Variants in APBA1 observed in about 807,000 individuals in gnomAD.
APBA1 encodes amyloid-beta A4 precursor protein-binding family A member 1.
APBA1 carries 55 observed loss-of-function variants against 86.6 expected under a neutral mutation model. The observed-to-expected ratio is 0.64, with a 90% CI of 0.51 to 0.80. APBA1 has a LOEUF of 0.80. Among genes scored for constraint, APBA1 ranks in the 30% least tolerant of loss-of-function variants. The pLI is 0.00. For missense variants in APBA1, 1,090 were observed against 1,183.0 expected, an observed-to-expected ratio of 0.92 and a Z score of 1.15; for synonymous variants, 511 against 493.9, an observed-to-expected ratio of 1.03 and a Z score of -0.46.
At chr9:69,598,380 A>T (rs1306000511) in intron 1 of APBA1, among the ~76,000 whole-genome samples, 1 of 152,120 alleles carries the variant, frequency 6.6e-6, no homozygotes, top group Non-Finnish European at 1.5e-5. Context: ...ACATGTATAC[A>T]TATGTAACTA....
intron 1 of APBA1, among the ~76,000 whole-genome samples, chr9:69,526,271 CAG>C (rs1456773320): frequency 2.6e-5 from 4 of 152,168 alleles, no homozygotes; most frequent in African/African-American, 9.6e-5. Flanking sequence ...AAACTAACAA[CAG>C]AGTAAACAGA....
chr9:69,535,744 C>T lies in APBA1; in HGVS notation c.-69-18465G>A, dbSNP rs114449237. ...TTTCCTCATCTTATTTTTCCCCAGG[C>T]CCCCTCTATTGAATTTTTGGCAAGC... is the stretch of plus-strand genomic sequence containing the variant. On this transcript the variant is annotated intron_variant, in intron 1 of 12. Coordinates refer to ENST00000265381, the MANE Select transcript of APBA1 (RefSeq NM_001163.4). Among the ~76,000 whole-genome samples, 614 of 152,124 alleles carry T rather than the reference C, an allele frequency of 4.0e-3. 3 individuals are homozygous for T. The highest frequency in any genetic ancestry group is 0.014 in the African/African-American group (582 of 41,514).
intron 10 of APBA1, among the ~76,000 whole-genome samples, chr9:69,442,584 A>C (rs888386933): frequency 6.6e-6 from 1 of 152,234 alleles, no homozygotes; most frequent in Non-Finnish European, 1.5e-5. Flanking sequence ...AGTATCGCTC[A>C]GAGACAGCAC....
intron 1 of APBA1, among the ~76,000 whole-genome samples, chr9:69,542,092 A>T (rs11139236): frequency 2.6e-5 from 4 of 152,078 alleles, no homozygotes; most frequent in African/African-American, 9.6e-5. Context: ...TAATTTCTAA[A>T]AATTAATGAC....
intron 1 of APBA1, among the ~76,000 whole-genome samples, chr9:69,597,585 C>T (rs1366619877): frequency 2.6e-5 from 4 of 152,138 alleles, no homozygotes; most frequent in Admixed American, 6.5e-5. Context: ...GAAGTCCTTG[C>T]CCATGCCTAT....
At chr9:69,602,779 CT>C (rs1822379657) in intron 1 of APBA1, among the ~76,000 whole-genome samples, 1 of 152,172 alleles carries the variant, frequency 6.6e-6, no homozygotes, top group South Asian at 2.1e-4. Flanking sequence ...GGCTATGAGT[CT>C]CCCCAGTGGA....
intron 1 of APBA1, among the ~76,000 whole-genome samples, chr9:69,657,003 G>A (rs1343188433): frequency 2.6e-5 from 4 of 151,956 alleles, no homozygotes; most frequent in Admixed American, 2.0e-4. Flanking sequence ...CCGCCACCGC[G>A]CCCGGCTAAT....
chr9:69,649,793 T>C (rs1438515342), intron 1 of APBA1, among the ~76,000 whole-genome samples: 1 of 152,148 alleles, frequency 6.6e-6, no homozygotes, highest in Non-Finnish European at 1.5e-5. Context: ...TCTGGAGGAA[T>C]AACTCATCTC....
chr9:69,470,523 A>G (rs1835350387), intron 4 of APBA1, among the ~76,000 whole-genome samples: 1 of 152,198 alleles, frequency 6.6e-6, no homozygotes. Context: ...CCTCACAAAA[A>G]TGATGCAAAT....
chr9:69,431,319 G>A lies in APBA1; in HGVS notation c.*8C>T. 6.3e-7 allele frequency: 1 copy of A among 1,594,876 alleles called. No individual in the cohort carries two copies. The highest frequency in any genetic ancestry group is 8.5e-7 in the Non-Finnish European group (1 of 1,171,622). Reference sequence around the variant, plus strand: ...GTCCTCCATGCATGCCACCGCGTGTGGCCGCGGTCAGATGTAAACAGGCTG... The same window carrying A: ...GTCCTCCATGCATGCCACCGCGTGTAGCCGCGGTCAGATGTAAACAGGCTG... On this transcript the variant is annotated 3_prime_UTR_variant, in exon 13 of 13. Coordinates refer to ENST00000265381, the MANE Select transcript of APBA1 (RefSeq NM_001163.4).
At chr9:69,489,172 A>G (rs1246890229) in intron 2 of APBA1, among the ~76,000 whole-genome samples, 1 of 152,146 alleles carries the variant, frequency 6.6e-6, no homozygotes, top group East Asian at 1.9e-4. Flanking sequence ...CATTGCCAAG[A>G]TAATCCTAAG....
chr9:69,431,163 C>CA lies in APBA1; in HGVS notation c.*163dup. 2 of 394,000 alleles carry CA rather than the reference C, an allele frequency of 5.1e-6. No individual in the cohort carries two copies. Among genetic ancestry groups the CA allele is most frequent in the South Asian group, 7.1e-5 (1 of 14,130 alleles). 24.4% of individuals were successfully genotyped at this position (394,000 alleles called of 1,614,324 possible). A position where few individuals can be genotyped will look rare whatever the true frequency, so the allele number is the denominator to read the frequency against. The stretch of plus-strand genomic sequence containing the variant: ...ATTGAAAAAAAAAAAAAAAAAAAAG[C>CA]AAATCGGAGAGAGTAAAGAGGTCCT... On this transcript the variant is annotated 3_prime_UTR_variant, in exon 13 of 13. Transcript: ENST00000265381.
At chr9:69,501,771 T>C (rs1835884109) in intron 2 of APBA1, among the ~76,000 whole-genome samples, 1 of 151,886 alleles carries the variant, frequency 6.6e-6, no homozygotes, top group African/African-American at 2.4e-5. Context: ...GAGGCTGCAG[T>C]GAGCTAGGAT....
chr9:69,475,457 G>C (rs188561018), intron 3 of APBA1, among the ~76,000 whole-genome samples: 100 of 152,260 alleles, frequency 6.6e-4, no homozygotes, highest in Non-Finnish European at 1.1e-3. Context: ...GAAAGTTCTC[G>C]CAGGCGGCAC....
chr9:69,657,627 T>C (rs1427618277), intron 1 of APBA1, among the ~76,000 whole-genome samples: 1 of 152,226 alleles, frequency 6.6e-6, no homozygotes, highest in Non-Finnish European at 1.5e-5. Context: ...TAGATAATAC[T>C]TAGATTGGCT....
intron 9 of APBA1, among the ~76,000 whole-genome samples, chr9:69,451,257 C>T (rs1178871687): frequency 2.0e-5 from 3 of 152,224 alleles, no homozygotes; most frequent in African/African-American, 7.2e-5. Context: ...CACCAAGCTT[C>T]CCACATCCCT....
At chr9:69,579,493 AT>A (rs2133955250) in intron 1 of APBA1, among the ~76,000 whole-genome samples, 1 of 152,306 alleles carries the variant, frequency 6.6e-6, no homozygotes, top group South Asian at 2.1e-4. Context: ...CAGGAGCTAC[AT>A]TTTATATTCA....
At chr9:69,589,340 C>T (rs1411291452) in intron 1 of APBA1, among the ~76,000 whole-genome samples, 1 of 152,156 alleles carries the variant, frequency 6.6e-6, no homozygotes, top group African/African-American at 2.4e-5. Context: ...GATTCCATTG[C>T]TCATGGGAAA....
At position 69,670,491 on chromosome 9, in the gene APBA1, C is replaced by T. The variant is rs1034894809; in HGVS notation, c.-70+1662G>A. On this transcript the variant is annotated intron_variant, in intron 1 of 12. Coordinates refer to ENST00000265381, the MANE Select transcript of APBA1 (RefSeq NM_001163.4). ...TAAAACATGTCCTAAGCAGATTAAG[C>T]TAGTCATACAACATTTTAATAAAGA... is the stretch of plus-strand genomic sequence containing the variant. Among the ~76,000 whole-genome samples, 4 of 152,200 alleles carry T rather than the reference C, an allele frequency of 2.6e-5. No homozygotes were observed. The Middle Eastern group carries it at 0.01, about 388-fold the overall frequency.
Sources: allele counts gnomAD v4.1 joint callset (sites outside exome capture counted in the v4.1 genomes callset), GRCh38; gene constraint gnomAD v4.1.1; transcripts MANE v1.5; gene names NCBI Gene and HGNC (gene_info 2026-07-23, HGNC 2026-07-21).